The following SULF2 variants were observed in gnomAD, a reference collection of about 807,000 sequenced individuals.
SULF2 encodes the protein sulfatase 2.
In SULF2, 52 loss-of-function variants were observed where a neutral mutation model predicts 107.7. That is an observed-to-expected ratio of 0.48 (90% CI 0.39 to 0.61). The LOEUF (loss-of-function observed/expected upper bound fraction) is 0.61, where lower values mean the gene tolerates loss of function less well. Ranked by LOEUF, SULF2 falls within the 20% of genes least tolerant of loss-of-function variation. The pLI, the probability that SULF2 is intolerant of heterozygous loss-of-function variation, is 0.00. For synonymous variants in SULF2, 460 were observed against 464.3 expected (o/e 0.99, Z 0.12); for missense variants, 993 against 1,177.3 (o/e 0.84, Z 2.29).
intron 3 of SULF2, among the ~76,000 whole-genome samples, chr20:47,731,191 T>TTTTTC (rs1466813266): frequency 3.1e-5 from 3 of 96,452 alleles, no homozygotes; most frequent in Admixed American, 1.0e-4. Context: ...TCTTCTCTTT[T>TTTTTC]TTTTTTTTTT....
intron 3 of SULF2, among the ~76,000 whole-genome samples, chr20:47,728,267 C>T (rs548633091): frequency 6.6e-6 from 1 of 152,198 alleles, no homozygotes; most frequent in African/African-American, 2.4e-5. Context: ...AGGAAGAGAG[C>T]AGGGAGCAAA....
upstream of SULF2, chr20:47,786,035 GACGCAC>G (rs764852044): frequency 5.3e-5 from 8 of 152,104 alleles, no homozygotes; most frequent in Non-Finnish European, 8.8e-5. Flanking sequence ...GGGACACACA[GACGCAC>G]ACTCACTCGA....
At chr20:47,671,991 T>C (rs1393023237) in intron 11 of SULF2, among the ~76,000 whole-genome samples, 1 of 152,226 alleles carries the variant, frequency 6.6e-6, no homozygotes, top group Admixed American at 6.5e-5. Flanking sequence ...ATTACAGGCG[T>C]GAGCCATTGC....
chr20:47,698,298 C>G (rs949661203), intron 4 of SULF2, among the ~76,000 whole-genome samples: 2 of 152,216 alleles, frequency 1.3e-5, no homozygotes, highest in African/African-American at 2.4e-5. Context: ...CCTGCTACCC[C>G]CATGTCTGGC....
intron 3 of SULF2, among the ~76,000 whole-genome samples, chr20:47,717,813 ATTT>A (rs11484145): frequency 7.4e-5 from 10 of 135,456 alleles, no homozygotes; most frequent in Admixed American, 2.3e-4. Flanking sequence ...TTCAGAGATA[ATTT>A]TTTTTTTTTT....
intron 1 of SULF2, among the ~76,000 whole-genome samples, chr20:47,781,715 G>T (rs1193687472): frequency 2.0e-5 from 3 of 152,016 alleles, no homozygotes; most frequent in Non-Finnish European, 4.4e-5. Flanking sequence ...CCACAAGCAG[G>T]AGACAGGTGC....
intron 3 of SULF2, among the ~76,000 whole-genome samples, chr20:47,714,922 T>A (rs1015344169): frequency 1.3e-5 from 2 of 152,054 alleles, no homozygotes; most frequent in Admixed American, 1.3e-4. Context: ...GCTCAAAGCT[T>A]TTAATTTTTT....
chr20:47,781,106 C>A (rs989114751), intron 1 of SULF2, among the ~76,000 whole-genome samples: 1 of 152,234 alleles, frequency 6.6e-6, no homozygotes, highest in Non-Finnish European at 1.5e-5. Context: ...CCTGGCCCCC[C>A]GAAAGCACAG....
In SULF2 at chr20:47,665,842, C is replaced by T. The variant is rs2087246631; in HGVS notation, c.1902+15G>A. ...TGGTGGCCGAGAGCATGCTCCTCTC[C>T]CGCTCTCCACTCACCTCGTGGTCGA... is the stretch of plus-strand genomic sequence containing the variant. On this transcript the variant is annotated intron_variant, in intron 13 of 20. Transcript: ENST00000688720. The T allele has an allele frequency of 6.2e-7, 1 of 1,608,938 alleles. No homozygotes were observed. The highest frequency in any genetic ancestry group is 8.5e-7 in the Non-Finnish European group (1 of 1,175,518).
At position 47,663,358 on chromosome 20, in the gene SULF2, GA is replaced by G. The variant is rs1424350688; in HGVS notation, c.2227+94del. ...AGCACCGTGGACCCCTGGTGTTGGG[GA>G]CCCCCTTTCTGAGAGAGGTCTGGGT... On this transcript the variant is annotated intron_variant, in intron 16 of 20. Transcript: ENST00000688720. 39 of 1,579,980 alleles carry G rather than the reference GA, an allele frequency of 2.5e-5. No homozygotes were observed. The East Asian group carries it at 8.3e-4, about 34-fold the overall frequency.
intron 11 of SULF2, among the ~76,000 whole-genome samples, chr20:47,670,373 A>G (rs1378114041): frequency 6.6e-6 from 1 of 151,540 alleles, no homozygotes; most frequent in East Asian, 2.0e-4. Context: ...TTGTATTTTT[A>G]GTAGACACGG....
chr20:47,772,516 T>C (rs963469534), intron 1 of SULF2, among the ~76,000 whole-genome samples: 1 of 152,202 alleles, frequency 6.6e-6, no homozygotes, highest in African/African-American at 2.4e-5. Flanking sequence ...GTAGGTCTCC[T>C]TGAAGACCAT....
intron 1 of SULF2, among the ~76,000 whole-genome samples, chr20:47,765,383 A>C (rs1024139785): frequency 8.2e-4 from 123 of 149,966 alleles, no homozygotes; most frequent in African/African-American, 3.0e-3. Flanking sequence ...AAAAAAAAAA[A>C]ACAGGAGAGA....
chr20:47,662,558 G>C (rs1222799046), intron 17 of SULF2, among the ~76,000 whole-genome samples: 2 of 152,208 alleles, frequency 1.3e-5, no homozygotes, highest in African/African-American at 4.8e-5. Context: ...CCCTGTACAA[G>C]GGCCCACATG....
At chr20:47,682,894 C>T in intron 7 of SULF2, 100 bp downstream of exon 7, 2 of 1,250,566 alleles carry the variant, frequency 1.6e-6, no homozygotes, top group South Asian at 1.6e-5. Context: ...TCTGCGAAAA[C>T]TGTGTGCCAC....
At chr20:47,706,618 C>T (rs948828161) in intron 3 of SULF2, 5 of 152,226 alleles carry the variant, frequency 3.3e-5, no homozygotes, top group African/African-American at 4.8e-5. Flanking sequence ...TTTGAAGGGC[C>T]GAAGTGGGCA....
chr20:47,700,446 C>T (rs573812841), intron 4 of SULF2, among the ~76,000 whole-genome samples: 26 of 152,216 alleles, frequency 1.7e-4, no homozygotes, highest in East Asian at 9.7e-4. Context: ...GTATTTACTA[C>T]GTGCAAGGGG....
chr20:47,728,561 C>T (rs1274255241), intron 3 of SULF2, among the ~76,000 whole-genome samples: 3 of 152,134 alleles, frequency 2.0e-5, no homozygotes, highest in African/African-American at 7.2e-5. Context: ...GTCTCCTGAG[C>T]ACCTACGATG....
intron 1 of SULF2, among the ~76,000 whole-genome samples, chr20:47,781,305 G>C (rs1431390555): frequency 6.6e-6 from 1 of 152,242 alleles, no homozygotes; most frequent in Non-Finnish European, 1.5e-5. Flanking sequence ...CGCAGGCACT[G>C]GCCATCTGCC....
Sources: allele counts gnomAD v4.1 joint callset (sites outside exome capture counted in the v4.1 genomes callset), GRCh38; gene constraint gnomAD v4.1.1; transcripts MANE v1.5; gene names NCBI Gene and HGNC (gene_info 2026-07-23, HGNC 2026-07-21).